The following SKAP1 variants were observed in gnomAD, a reference collection of about 807,000 sequenced individuals.
The protein encoded by SKAP1 is src kinase associated phosphoprotein 1, also known as src kinase-associated phosphoprotein 1.
In SKAP1, 44 loss-of-function variants were observed where a neutral mutation model predicts 58.5. The ratio of observed to expected loss-of-function variants is 0.75; its 90% CI spans 0.59 to 0.97. SKAP1 has a LOEUF of 0.97. Ranked by LOEUF, SKAP1 falls within the 50% of genes least tolerant of loss-of-function variation. The pLI, the probability that SKAP1 is intolerant of heterozygous loss-of-function variation, is 0.00. For synonymous variants in SKAP1, 127 were observed against 149.7 expected (o/e 0.85, Z 1.11); for missense variants, 390 against 435.2 (o/e 0.90, Z 0.92).
At chr17:48,242,989 C>T (rs1567835265) in intron 4 of SKAP1, among the ~76,000 whole-genome samples, 2 of 152,162 alleles carry the variant, frequency 1.3e-5, no homozygotes, top group Non-Finnish European at 2.9e-5. Flanking sequence ...ACAATAAATG[C>T]TTATATGAAG....
intron 4 of SKAP1, among the ~76,000 whole-genome samples, chr17:48,323,854 A>G (rs2066398756): frequency 6.6e-6 from 1 of 152,074 alleles, no homozygotes; most frequent in Non-Finnish European, 1.5e-5. Flanking sequence ...ACACTGCTCC[A>G]GGGACAGATC....
chr17:48,420,085 A>G (rs1282252583), intron 1 of SKAP1, among the ~76,000 whole-genome samples: 4 of 152,336 alleles, frequency 2.6e-5, no homozygotes, highest in African/African-American at 7.2e-5. Flanking sequence ...ACAAACTGGA[A>G]AGCAAGCAAT....
intron 4 of SKAP1, among the ~76,000 whole-genome samples, chr17:48,330,190 T>A (rs1352504578): frequency 6.6e-6 from 1 of 152,220 alleles, no homozygotes; most frequent in Non-Finnish European, 1.5e-5. Flanking sequence ...GCAGGTAAAC[T>A]TAAGTTTTTC....
At chr17:48,232,773 C>T (rs2065139168) in intron 4 of SKAP1, among the ~76,000 whole-genome samples, 1 of 152,148 alleles carries the variant, frequency 6.6e-6, no homozygotes, top group Non-Finnish European at 1.5e-5. Context: ...CTCAATACTG[C>T]TGATAGTGCC....
intron 9 of SKAP1, among the ~76,000 whole-genome samples, chr17:48,178,522 G>A (rs543721429): frequency 1.6e-4 from 24 of 152,274 alleles, no homozygotes; most frequent in African/African-American, 5.3e-4. Flanking sequence ...AGCCGACTGT[G>A]AAAGGGAAGA....
chr17:48,148,982 T>TA (rs1362300120), intron 11 of SKAP1, among the ~76,000 whole-genome samples: 2 of 152,176 alleles, frequency 1.3e-5, no homozygotes, highest in Non-Finnish European at 2.9e-5. Flanking sequence ...CGTTCTCTCT[T>TA]ATCTCTTTTC....
intron 2 of SKAP1, among the ~76,000 whole-genome samples, chr17:48,393,951 A>T (rs534335992): frequency 1.3e-5 from 2 of 152,190 alleles, no homozygotes; most frequent in Non-Finnish European, 2.9e-5. Flanking sequence ...CTGACTAAAA[A>T]TAGGCCAGGC....
Position 48,345,971 on chromosome 17 carries a change from G to A in SKAP1, c.214C>T (p.His72Tyr). Reference protein sequence around the residue: ...DIGQDSSDDNHSGTLGLSLTS... With the variant: ...DIGQDSSDDNYSGTLGLSLTS... ...AGGGACAGGCCAAGAGTCCCGCTGT[G>A]ATTATCATCAGAGCTGTCCTGTCCA... The change falls in exon 4 of 13, where the codon CAC (histidine) becomes TAC (tyrosine). Residue 72 changes from histidine (H) to tyrosine (Y), a missense_variant. Physicochemically the swap from His to Tyr is moderately conservative, Grantham distance 83. Coordinates refer to ENST00000336915, the MANE Select transcript of SKAP1 (RefSeq NM_003726.4). 6.2e-7 allele frequency: 1 copy of A among 1,613,462 alleles called. No individual in the cohort carries two copies. The highest frequency in any genetic ancestry group is 8.5e-7 in the Non-Finnish European group (1 of 1,179,692).
chr17:48,405,450 T>TTTCTTTCTTTTCTTTC (rs1441641292), intron 1 of SKAP1, among the ~76,000 whole-genome samples: 1 of 94,006 alleles, frequency 1.1e-5, no homozygotes, highest in South Asian at 4.1e-4. Flanking sequence ...TCTTTCTTTC[T>TTTCTTTCTTTTCTTTC]TTTCTTTCTT....
intron 3 of SKAP1, among the ~76,000 whole-genome samples, chr17:48,355,628 A>G (rs1598606790): frequency 6.6e-6 from 1 of 152,132 alleles, no homozygotes; most frequent in Admixed American, 6.5e-5. Context: ...GGAGTACGAG[A>G]CCAGCCTGGC....
intron 4 of SKAP1, among the ~76,000 whole-genome samples, chr17:48,194,413 T>C (rs2064595988): frequency 6.6e-6 from 1 of 152,186 alleles, no homozygotes; most frequent in Non-Finnish European, 1.5e-5. Flanking sequence ...GGGGACCCTT[T>C]GGAGTGTGAT....
At chr17:48,236,546 A>G (rs962124935) in intron 4 of SKAP1, among the ~76,000 whole-genome samples, 2 of 152,234 alleles carry the variant, frequency 1.3e-5, no homozygotes, top group African/African-American at 4.8e-5. Context: ...ATAAGATTAC[A>G]TAAACAAATT....
At chr17:48,413,225 C>T (rs1444245594) in intron 1 of SKAP1, among the ~76,000 whole-genome samples, 2 of 151,766 alleles carry the variant, frequency 1.3e-5, no homozygotes, top group African/African-American at 4.8e-5. Context: ...AAAACATTTG[C>T]TTTTCAGGGC....
chr17:48,444,110 C>T, the SKAP1 span, among the ~76,000 whole-genome samples: 10 of 143,526 alleles, frequency 7.0e-5, no homozygotes, highest in Admixed American at 4.1e-4. Flanking sequence ...ACACCTAGTA[C>T]GAGGCCGGGC....
intron 4 of SKAP1, among the ~76,000 whole-genome samples, chr17:48,207,524 T>C (rs540664693): frequency 5.9e-5 from 9 of 151,998 alleles, no homozygotes; most frequent in African/African-American, 2.2e-4. Flanking sequence ...TACATAAAGT[T>C]ATATTTGAAT....
intron 2 of SKAP1, among the ~76,000 whole-genome samples, chr17:48,383,517 A>T (rs2067242317): frequency 6.6e-6 from 1 of 152,172 alleles, no homozygotes; most frequent in Non-Finnish European, 1.5e-5. Context: ...AAGGCTCAAA[A>T]ATAATTTCAT....
intron 11 of SKAP1, among the ~76,000 whole-genome samples, chr17:48,150,505 G>A (rs1352169521): frequency 6.6e-6 from 1 of 152,212 alleles, no homozygotes; most frequent in African/African-American, 2.4e-5. Context: ...GGTGTTTATA[G>A]ATGCTCTGTT....
At chr17:48,158,846 G>A (rs986706157) in intron 11 of SKAP1, among the ~76,000 whole-genome samples, 7 of 151,688 alleles carry the variant, frequency 4.6e-5, no homozygotes, top group African/African-American at 1.7e-4. Context: ...TGTAGTCCCA[G>A]CTACTCGGGA....
At position 48,405,392 on chromosome 17, in the gene SKAP1, CCTTTCTTTCTTTCTTTCTTT is replaced by C. The variant is rs376278484; in HGVS notation, c.47-8627_47-8608del. Among the ~76,000 whole-genome samples the C allele has an allele frequency of 8.8e-4, 94 of 107,368 alleles. 2 individuals carry two copies. The highest frequency in any genetic ancestry group is 8.5e-3 in the Middle Eastern group (2 of 236). The allele number at this position is 107,368 out of a possible 152,430, so 70.4% of individuals were successfully genotyped here. A position where few individuals can be genotyped will look rare whatever the true frequency, so the allele number is the denominator to read the frequency against. On this transcript the variant is annotated intron_variant, in intron 1 of 12. Transcript: ENST00000336915. ...GGGTGCATTTTCTTTTTTTCTCTTT[CCTTTCTTTCTTTCTTTCTTT>C]CTTTCTTTCTTTCTTTCTTTCTTTC...
Sources: gnomAD v4.1 joint callset for allele counts (sites outside exome capture counted in the v4.1 genomes callset) on GRCh38, gnomAD v4.1.1 for gene constraint, MANE v1.5 for transcripts, NCBI Gene and HGNC (gene_info 2026-07-23, HGNC 2026-07-21) for gene names.